The following MSMO1 variants were observed in gnomAD, a reference collection of about 807,000 sequenced individuals.
MSMO1 encodes the protein methylsterol monooxygenase 1, also known as C-4 methylsterol oxidase.
A neutral mutation model predicts 30.4 loss-of-function variants in MSMO1; 18 were observed. That is an observed-to-expected ratio of 0.59 (90% confidence interval 0.41 to 0.88). MSMO1 has a LOEUF of 0.88. Among genes scored for constraint, MSMO1 ranks in the 40% least tolerant of loss-of-function variants. The probability of loss-of-function intolerance (pLI) is 0.00; values close to 1 mark genes in which losing one functional copy is unlikely to be tolerated. For missense variants in MSMO1, 284 were observed against 340.5 expected (o/e 0.83, Z 1.31); for synonymous variants, 84 against 107.9 (o/e 0.78, Z 1.37).
Position 165,341,767 on chromosome 4 carries a change from C to G in MSMO1, c.703C>G (p.Leu235Val), listed in dbSNP as rs1425518116. 1 of 1,611,914 alleles carries G rather than the reference C, an allele frequency of 6.2e-7. No homozygotes were observed. Among genetic ancestry groups the G allele is most frequent in the East Asian group, 2.2e-5 (1 of 44,796 alleles). The change falls in exon 6 of 6, where the codon CTC becomes GTC. Residue 235 changes from leucine (L) to valine (V), a missense_variant. By Grantham distance (32) the Leu-to-Val change is conservative. Transcript: ENST00000261507. ...IDVHSGYDIP[L>V]NPLNLIPFYA... ...TTGTTTCAGTGGTTATGATATTCCT[C>G]TCAACCCTTTAAATCTGATCCCTTT... is the stretch of plus-strand genomic sequence containing the variant.
chr4:165,341,554 GA>G (rs1747715627), intron 5 of MSMO1, among the ~76,000 whole-genome samples, 196 bp from the exon 6 acceptor site: 1 of 151,586 alleles, frequency 6.6e-6, no homozygotes, highest in Non-Finnish European at 1.5e-5. Flanking sequence ...TTTTTTTAAG[GA>G]TTTTTTTTCT....
chr4:165,329,379 A>C (rs1002973909), intron 1 of MSMO1, among the ~76,000 whole-genome samples: 2 of 151,834 alleles, frequency 1.3e-5, no homozygotes, highest in Non-Finnish European at 2.9e-5. Context: ...TTATCACATA[A>C]TTTTTGATGG....
rs750790200 is a variant in MSMO1, at chr4:165,341,973, A to G, written c.*27A>G. Reference sequence around the variant, plus strand: ...TATCTCACGTAAACCTTCCTGAAAGATAAACGTTTTCCTGAATTCAGAAAC... The same window carrying G: ...TATCTCACGTAAACCTTCCTGAAAGGTAAACGTTTTCCTGAATTCAGAAAC... On this transcript the variant is annotated 3_prime_UTR_variant, in exon 6 of 6. Coordinates refer to ENST00000261507, the MANE Select transcript of MSMO1 (RefSeq NM_006745.5). 1.9e-6 allele frequency: 3 copies of G among 1,571,686 alleles called. No homozygotes were observed. Among genetic ancestry groups the G allele is most frequent in the East Asian group, 2.2e-5 (1 of 44,596 alleles).
intron 4 of MSMO1, among the ~76,000 whole-genome samples, chr4:165,339,885 G>A (rs1747668687): frequency 6.6e-6 from 1 of 152,274 alleles, no homozygotes; most frequent in Admixed American, 6.5e-5. Context: ...GGTAAGAATT[G>A]TTGCAGCCTT....
At chr4:165,338,335 CAT>C (rs946502517) in intron 3 of MSMO1, among the ~76,000 whole-genome samples, 20 of 147,894 alleles carry the variant, frequency 1.4e-4, no homozygotes, top group Admixed American at 9.4e-4. Context: ...TATATACACA[CAT>C]ATATATATAC....
At chr4:165,339,934 G>A (rs115335818) in intron 4 of MSMO1, among the ~76,000 whole-genome samples, 140 of 152,280 alleles carry the variant, frequency 9.2e-4, no homozygotes, top group African/African-American at 2.9e-3. Flanking sequence ...GGAAACTCAG[G>A]CAGGGTTTCA....
At chr4:165,330,216 T>C (rs539239743) in intron 1 of MSMO1, among the ~76,000 whole-genome samples, 45 of 152,356 alleles carry the variant, frequency 3.0e-4, no homozygotes, top group South Asian at 6.2e-4. Context: ...TTGGGCAAGT[T>C]GCTTAATCTT....
Position 165,340,437 on chromosome 4 carries a change from A to G in MSMO1, c.686+62A>G, listed in dbSNP as rs7679322. ...GAAATATATTTATTTTCATGGCCAT[A>G]AGATTATCATATTTCTAAGGAGACT... On this transcript the variant is annotated intron_variant, in intron 5 of 5. Coordinates refer to ENST00000261507, the MANE Select transcript of MSMO1 (RefSeq NM_006745.5). The G allele has an allele frequency of 0.059, 81,130 of 1,367,398 alleles. 2,747 individuals carry two copies. Among genetic ancestry groups the G allele is most frequent in the African/African-American group, 0.077 (5,409 of 70,240 alleles). The allele number at this position is 1,367,398 out of a possible 1,614,324, so 84.7% of individuals were successfully genotyped here.
chr4:165,329,811 A>G (rs1747342257), intron 1 of MSMO1, among the ~76,000 whole-genome samples: 1 of 151,144 alleles, frequency 6.6e-6, no homozygotes, highest in Non-Finnish European at 1.5e-5. Context: ...ATTTTTTTGT[A>G]TTTTTTTGGT....
chr4:165,336,962 G>T (rs570495098), intron 2 of MSMO1, among the ~76,000 whole-genome samples: 1 of 152,180 alleles, frequency 6.6e-6, no homozygotes, highest in African/African-American at 2.4e-5. Flanking sequence ...CTGCTGATGC[G>T]CAGTAGTTCC....
intron 1 of MSMO1, among the ~76,000 whole-genome samples, chr4:165,329,745 C>G (rs745915620): frequency 6.7e-6 from 1 of 148,806 alleles, no homozygotes; most frequent in Non-Finnish European, 1.5e-5. Flanking sequence ...AGCAATTCTC[C>G]TGCCTCAGCC....
chr4:165,332,288 A>G (rs1047079818), intron 1 of MSMO1, among the ~76,000 whole-genome samples: 2 of 152,216 alleles, frequency 1.3e-5, no homozygotes, highest in Non-Finnish European at 2.9e-5. Context: ...TTGGATTAAC[A>G]CTGTATCTTA....
At chr4:165,339,096 C>CTTTGTTTTTTTT (rs1747643106) in intron 4 of MSMO1, among the ~76,000 whole-genome samples, 1 of 60,510 alleles carries the variant, frequency 1.7e-5, no homozygotes. Flanking sequence ...ATGAGCACTG[C>CTTTGTTTTTTTT]TTTTTTTTTT....
chr4:165,333,847 A>G (rs548674322), intron 2 of MSMO1, among the ~76,000 whole-genome samples: 68 of 152,350 alleles, frequency 4.5e-4, no homozygotes, highest in South Asian at 1.0e-3. Flanking sequence ...AATGTAAACT[A>G]TCGCTGGGTG....
At chr4:165,332,218 T>C (rs937848338) in intron 1 of MSMO1, among the ~76,000 whole-genome samples, 1 of 152,250 alleles carries the variant, frequency 6.6e-6, no homozygotes, top group Non-Finnish European at 1.5e-5. Context: ...AAAATACATA[T>C]CCTTTTCAAA....
At chr4:165,337,462 TA>T (rs1219337337) in intron 2 of MSMO1, among the ~76,000 whole-genome samples, 1 of 152,190 alleles carries the variant, frequency 6.6e-6, no homozygotes, top group African/African-American at 2.4e-5. Flanking sequence ...AATCTTAGCA[TA>T]TTATATTTCT....
Position 165,333,597 on chromosome 4 carries a change from C to A in MSMO1, c.227C>A (p.Pro76His). The A allele has an allele frequency of 1.3e-6, 2 of 1,595,822 alleles. No homozygotes were observed. Among genetic ancestry groups the A allele is most frequent in the Middle Eastern group, 1.7e-4 (1 of 5,896 alleles). ...CLPGFLFQFI[P>H]YMKKYKIQKD... ...CCTGGATTTTTATTTCAATTTATAC[C>A]TTATATGAAAAAATACAAAATTCAA... Residue 76 changes from proline to histidine, a missense_variant, in exon 2 of 6, where the codon CCT (proline) becomes CAT (histidine). Physicochemically the swap from Pro to His is moderately conservative, Grantham distance 77. Coordinates refer to ENST00000261507, the MANE Select transcript of MSMO1 (RefSeq NM_006745.5).
At chr4:165,338,092 A>G (rs1221111924) in intron 3 of MSMO1, among the ~76,000 whole-genome samples, 155 bp downstream of exon 3, 1 of 152,112 alleles carries the variant, frequency 6.6e-6, no homozygotes, top group African/African-American at 2.4e-5. Context: ...AAAATCTTAA[A>G]ATGTTTCCAT....
At chr4:165,333,245 A>T in intron 1 of MSMO1, 95 bp from the exon 2 acceptor site, 3 of 1,044,878 alleles carry the variant, frequency 2.9e-6, no homozygotes, top group Non-Finnish European at 4.1e-6. Context: ...TTTAGTAATT[A>T]TCATTTTTAA....
Sources: allele counts gnomAD v4.1 joint callset (sites outside exome capture counted in the v4.1 genomes callset), GRCh38; gene constraint gnomAD v4.1.1; transcripts MANE v1.5; gene names NCBI Gene and HGNC (gene_info 2026-07-23, HGNC 2026-07-21).